DMD: variants seen among roughly 807,000 people sequenced by gnomAD.
The protein encoded by DMD is dystrophin, also known as mutant dystrophin.
A neutral mutation model predicts 330.1 loss-of-function variants in DMD; 63 were observed. That is an observed-to-expected ratio of 0.19 (90% CI 0.16 to 0.24). DMD has a LOEUF of 0.24. Ranked by LOEUF, DMD falls within the 10% of genes least tolerant of loss-of-function variation. The pLI is 1.00. For synonymous variants in DMD, 1,223 were observed against 959.8 expected, an observed-to-expected ratio of 1.27 and a Z score of -5.07; for missense variants, 3,344 against 2,684.1, an observed-to-expected ratio of 1.25 and a Z score of -5.43.
intron 1 of DMD, among the ~76,000 whole-genome samples, chrX:33,157,134 A>T (rs2048543774): frequency 9.0e-6 from 1 of 111,511 alleles, no homozygotes. Context: ...TTTGTTTTTT[A>T]GGAGAAACAT....
chrX:33,312,993 C>T (rs2053873580), intron 1 of DMD, among the ~76,000 whole-genome samples: 1 of 111,246 alleles, frequency 9.0e-6, no homozygotes, highest in Non-Finnish European at 1.9e-5. Flanking sequence ...AAATACACCG[C>T]TGAAAGGACA....
intron 60 of DMD, among the ~76,000 whole-genome samples, chrX:31,410,762 G>A (rs1365876272): frequency 9.2e-6 from 1 of 108,154 alleles, no homozygotes; most frequent in African/African-American, 3.4e-5. Context: ...TTTATGAGAT[G>A]GAATCTCACT....
chrX:31,714,560 AC>A (rs1396422892), intron 52 of DMD, among the ~76,000 whole-genome samples: 1 of 111,522 alleles, frequency 9.0e-6, no homozygotes, highest in Non-Finnish European at 1.9e-5. Context: ...TTTTGTCTGA[AC>A]TAGACAACTG....
chrX:32,647,815 G>T (rs758280267), intron 9 of DMD, among the ~76,000 whole-genome samples: 18 of 111,874 alleles, frequency 1.6e-4, no homozygotes, highest in Non-Finnish European at 3.4e-4. Context: ...AGCATAAATT[G>T]CCCCAAGATT....
At chrX:31,400,299 T>C (rs2061132116) in intron 60 of DMD, among the ~76,000 whole-genome samples, 1 of 110,997 alleles carries the variant, frequency 9.0e-6, no homozygotes, top group Non-Finnish European at 1.9e-5. Context: ...AATGCAACCA[T>C]TTATCTCTCA....
At chrX:32,039,624 T>C (rs996437914) in intron 44 of DMD, among the ~76,000 whole-genome samples, 13 of 111,961 alleles carry the variant, frequency 1.2e-4, no homozygotes, top group Admixed American at 3.8e-4. Flanking sequence ...TGTGGGTTAG[T>C]AGAATCCAAA....
intron 42 of DMD, among the ~76,000 whole-genome samples, chrX:32,299,353 C>CT (rs1372058619): frequency 2.7e-5 from 3 of 110,437 alleles, no homozygotes; most frequent in African/African-American, 9.9e-5. Context: ...TTTAGCCCAT[C>CT]TTTTTTTCCA....
intron 67 of DMD, 111 bp from the exon 68 acceptor site, chrX:31,183,015 G>T (rs1347124405): frequency 1.5e-6 from 1 of 683,892 alleles, no homozygotes; most frequent in Non-Finnish European, 2.2e-6. Flanking sequence ...AGAAAAGATA[G>T]AAAGAACAAT....
intron 7 of DMD, among the ~76,000 whole-genome samples, chrX:32,796,877 CTCTTA>C (rs959179828): frequency 1.8e-5 from 2 of 111,814 alleles, no homozygotes; most frequent in African/African-American, 6.5e-5. Flanking sequence ...TTAAATTTCC[CTCTTA>C]TAAGATTTAA....
chrX:32,027,402 C>T (rs895202504), intron 44 of DMD, among the ~76,000 whole-genome samples: 1 of 111,552 alleles, frequency 9.0e-6, no homozygotes, highest in African/African-American at 3.3e-5. Context: ...GAAAGGAATT[C>T]TTGAAGTTGG....
At chrX:31,689,506 G>A (rs1454653562) in intron 52 of DMD, among the ~76,000 whole-genome samples, 1 of 111,920 alleles carries the variant, frequency 8.9e-6, no homozygotes, top group Non-Finnish European at 1.9e-5. Flanking sequence ...CATGCTCATG[G>A]ATAGGAAGAA....
chrX:32,522,315 G>T (rs1198681632), intron 17 of DMD, among the ~76,000 whole-genome samples: 1 of 111,524 alleles, frequency 9.0e-6, no homozygotes, highest in Admixed American at 9.5e-5. Flanking sequence ...AGTATTTATG[G>T]AACTCTCTCT....
intron 17 of DMD, among the ~76,000 whole-genome samples, chrX:32,520,864 T>TTC (rs2046355520): frequency 1.0e-5 from 1 of 97,686 alleles, no homozygotes. Flanking sequence ...TTTTTTTTTT[T>TTC]CCCAAGTTGG....
chrX:33,248,016 A>G (rs1391773449), intron 1 of DMD, among the ~76,000 whole-genome samples: 1 of 111,719 alleles, frequency 9.0e-6, no homozygotes, highest in Non-Finnish European at 1.9e-5. Context: ...AGAATAAATA[A>G]TATTTTATTG....
At chrX:32,991,803 A>C in intron 2 of DMD, among the ~76,000 whole-genome samples, 1 of 112,132 alleles carries the variant, frequency 8.9e-6, no homozygotes, top group Non-Finnish European at 1.9e-5. Context: ...TCAGATATTT[A>C]TTAACATAAT....
chrX:32,545,215 T>C lies in DMD; in HGVS notation c.2112A>G (p.Pro704=), dbSNP rs778933155. 8.3e-7 allele frequency: 1 copy of C among 1,209,101 alleles called. No individual in the cohort carries two copies. Among genetic ancestry groups the C allele is most frequent in the Non-Finnish European group, 1.1e-6 (1 of 894,537 alleles). Residue 704 remains proline (P), a synonymous_variant, in exon 17 of 79, where the codon CCA becomes CCG. Coordinates refer to ENST00000357033, the MANE Select transcript of DMD (RefSeq NM_004006.3). ...ILVKHAQEEL[P]PPPPQKKRQI... is the part of the protein sequence containing the mutation. ...GCCTCTTCTTTTGGGGAGGTGGTGG[T>C]GGAAGTTCCTCTTGAGCATGCTTTA...
chrX:33,274,607 CTGT>C (rs1315926845), intron 1 of DMD, among the ~76,000 whole-genome samples: 5 of 111,939 alleles, frequency 4.5e-5, no homozygotes, highest in African/African-American at 1.6e-4. Context: ...AAATAAGGTT[CTGT>C]TGTTTGAGTC....
intron 57 of DMD, among the ~76,000 whole-genome samples, chrX:31,490,186 G>A (rs781186840): frequency 1.8e-5 from 2 of 111,978 alleles, no homozygotes. Flanking sequence ...CCTCCAACGC[G>A]GCTAAAAAGA....
At chrX:31,861,894 T>C (rs1160894609) in intron 48 of DMD, among the ~76,000 whole-genome samples, 1 of 101,030 alleles carries the variant, frequency 9.9e-6, no homozygotes, top group Non-Finnish European at 2.0e-5. Flanking sequence ...ACAGTATTTA[T>C]AGTATTCTAA....
Sources: allele counts gnomAD v4.1 joint callset (sites outside exome capture counted in the v4.1 genomes callset), GRCh38; gene constraint gnomAD v4.1.1; transcripts MANE v1.5; gene names NCBI Gene and HGNC (gene_info 2026-07-23, HGNC 2026-07-21).